The following ASTN1 variants were observed in gnomAD, a reference collection of about 807,000 sequenced individuals.
The protein encoded by ASTN1 is astrotactin-1.
A neutral mutation model predicts 140.7 loss-of-function variants in ASTN1; 41 were observed. That is an observed-to-expected ratio of 0.29 (90% CI 0.23 to 0.38). The LOEUF (loss-of-function observed/expected upper bound fraction) is 0.38, where lower values mean the gene tolerates loss of function less well. Ranked by LOEUF, ASTN1 falls within the 10% of genes least tolerant of loss-of-function variation. ASTN1 has a pLI of 1.00. For missense variants in ASTN1, 1,479 were observed against 1,678.8 expected, an observed-to-expected ratio of 0.88 and a Z score of 2.08; for synonymous variants, 640 against 652.2, an observed-to-expected ratio of 0.98 and a Z score of 0.29.
Position 176,936,367 on chromosome 1 carries a change from A to G in ASTN1, c.2381T>C (p.Met794Thr). 8.1e-6 allele frequency: 13 copies of G among 1,611,388 alleles called. No individual in the cohort carries two copies. Among genetic ancestry groups the G allele is most frequent in the Non-Finnish European group, 1.1e-5 (13 of 1,179,354 alleles). ...PTPDPDFLTG[M>T]VNFSEVSGYP... ...CCCAGACACTTCACTGAAGTTCACCATCCCTAAGGACAGAAGAGATGTAAG... is the reference window on the plus strand; with the variant it reads ...CCCAGACACTTCACTGAAGTTCACCGTCCCTAAGGACAGAAGAGATGTAAG... The change falls in exon 15 of 23, where the codon ATG (methionine) becomes ACG (threonine). Residue 794 changes from methionine to threonine, a missense_variant. Transcript: ENST00000361833.
intron 8 of ASTN1, among the ~76,000 whole-genome samples, chr1:176,987,603 A>G (rs1226640232): frequency 6.6e-6 from 1 of 152,188 alleles, no homozygotes; most frequent in Non-Finnish European, 1.5e-5. Flanking sequence ...TTGCCCTGTC[A>G]TGCCCACTAT....
chr1:177,073,711 C>A (rs6659769), intron 1 of ASTN1, among the ~76,000 whole-genome samples: 68,182 of 149,984 alleles, frequency 0.45, 16,959 homozygotes, highest in Non-Finnish European at 0.57. Context: ...TGTGGCACTG[C>A]AGAAACAGGG....
At position 177,024,611 on chromosome 1, in the gene ASTN1, C is replaced by T. The variant is rs761697051; in HGVS notation, c.1242G>A (p.Leu414=). The T allele has an allele frequency of 1.2e-6, 2 of 1,614,060 alleles. No homozygotes were observed. The highest frequency in any genetic ancestry group is 2.2e-5 in the South Asian group (2 of 91,058). ...VNCPLVVKIT[L]HVPEHLIADG... ...CAGCAATCAGGTGCTCAGGGACATG[C>T]AGGGTGATCTTGACAACGAGAGGGC... The change falls in exon 6 of 23, where the codon CTG becomes CTA. Residue 414 remains leucine, a synonymous_variant. Coordinates refer to ENST00000361833, the MANE Select transcript of ASTN1 (RefSeq NM_004319.3).
chr1:177,122,493 G>A (rs983890676), intron 1 of ASTN1, among the ~76,000 whole-genome samples: 1 of 152,108 alleles, frequency 6.6e-6, no homozygotes. Context: ...ATGCTAGAGG[G>A]AAGATTTTTA....
intron 1 of ASTN1, among the ~76,000 whole-genome samples, chr1:177,126,599 C>T (rs1681662435): frequency 6.6e-6 from 1 of 152,100 alleles, no homozygotes; most frequent in Non-Finnish European, 1.5e-5. Flanking sequence ...CATGGACGGC[C>T]CCAAAGAGTG....
chr1:177,090,279 T>C (rs1217218632), intron 1 of ASTN1, among the ~76,000 whole-genome samples: 1 of 151,856 alleles, frequency 6.6e-6, no homozygotes, highest in African/African-American at 2.4e-5. Flanking sequence ...TCTTACTGTC[T>C]GTCTTCCCTA....
intron 16 of ASTN1, among the ~76,000 whole-genome samples, chr1:176,896,551 G>A (rs1419381297): frequency 1.3e-5 from 2 of 152,102 alleles, no homozygotes; most frequent in African/African-American, 2.4e-5. Context: ...TATACTGTAC[G>A]GATTGGGCGG....
At chr1:177,028,389 T>G (rs1040329814) in intron 5 of ASTN1, among the ~76,000 whole-genome samples, 3 of 152,154 alleles carry the variant, frequency 2.0e-5, no homozygotes, top group Non-Finnish European at 4.4e-5. Context: ...AGAGCCACAA[T>G]GATCTCTTGA....
chr1:176,945,484 G>A (rs950434189), intron 13 of ASTN1, among the ~76,000 whole-genome samples: 1 of 152,092 alleles, frequency 6.6e-6, no homozygotes, highest in African/African-American at 2.4e-5. Context: ...ATCTTGTTTG[G>A]GAAGAAAATT....
intron 17 of ASTN1, among the ~76,000 whole-genome samples, chr1:176,893,287 G>A (rs1436501898): frequency 6.6e-6 from 1 of 152,152 alleles, no homozygotes; most frequent in African/African-American, 2.4e-5. Context: ...GGGCAGGTAA[G>A]GGAAGAAGAA....
chr1:177,117,207 A>G (rs1681136517), intron 1 of ASTN1, among the ~76,000 whole-genome samples: 1 of 152,140 alleles, frequency 6.6e-6, no homozygotes, highest in Non-Finnish European at 1.5e-5. Flanking sequence ...TAGACACACA[A>G]GGAACATTCA....
chr1:176,939,717 A>G (rs1671632409), intron 14 of ASTN1, among the ~76,000 whole-genome samples: 1 of 152,018 alleles, frequency 6.6e-6, no homozygotes, highest in Non-Finnish European at 1.5e-5. Flanking sequence ...AAGAAAAAAC[A>G]TTAATTTTTC....
chr1:176,942,092 T>C (rs1671740262), intron 14 of ASTN1, among the ~76,000 whole-genome samples: 1 of 152,260 alleles, frequency 6.6e-6, no homozygotes, highest in South Asian at 2.1e-4. Context: ...TTCTTTTCTA[T>C]AAGGTAGATA....
At chr1:177,047,571 A>AT (rs1482880158) in intron 2 of ASTN1, among the ~76,000 whole-genome samples, 1 of 152,176 alleles carries the variant, frequency 6.6e-6, no homozygotes, top group Non-Finnish European at 1.5e-5. Flanking sequence ...GTTGAAGGGA[A>AT]TTTTTTTAAG....
chr1:177,109,894 G>C (rs114740054), intron 1 of ASTN1, among the ~76,000 whole-genome samples: 1 of 152,120 alleles, frequency 6.6e-6, no homozygotes, highest in African/African-American at 2.4e-5. Flanking sequence ...TTCTAAAATA[G>C]ATAGTTCAGC....
chr1:177,027,156 G>A (rs770957759), intron 5 of ASTN1, among the ~76,000 whole-genome samples: 7 of 152,208 alleles, frequency 4.6e-5, no homozygotes, highest in Middle Eastern at 3.4e-3. Flanking sequence ...CACCTTGTCA[G>A]CCTGGTATAC....
chr1:177,109,267 GA>G (rs1680699532), intron 1 of ASTN1, among the ~76,000 whole-genome samples: 1 of 152,100 alleles, frequency 6.6e-6, no homozygotes, highest in Non-Finnish European at 1.5e-5. Flanking sequence ...GTAAACCTAA[GA>G]AACCCATTTG....
At chr1:177,111,832 T>C (rs11590989) in intron 1 of ASTN1, among the ~76,000 whole-genome samples, 7,998 of 152,216 alleles carry the variant, frequency 0.053, 237 homozygotes, top group Admixed American at 0.065. Flanking sequence ...TTGGTATGTC[T>C]CCTCTGATCT....
At chr1:177,033,172 C>CA (rs1676536848) in intron 2 of ASTN1, among the ~76,000 whole-genome samples, 2 of 144,746 alleles carry the variant, frequency 1.4e-5, no homozygotes, top group Non-Finnish European at 3.0e-5. Flanking sequence ...ATTTCAGCTG[C>CA]AAAAACAGGG....
Sources: gnomAD v4.1 joint callset for allele counts (sites outside exome capture counted in the v4.1 genomes callset) on GRCh38, gnomAD v4.1.1 for gene constraint, MANE v1.5 for transcripts, NCBI Gene and HGNC (gene_info 2026-07-23, HGNC 2026-07-21) for gene names.